The following SLC20A2 variants were observed in gnomAD, a reference collection of about 807,000 sequenced individuals.
SLC20A2 encodes the protein solute carrier family 20 member 2.
In SLC20A2, 30 loss-of-function variants were observed where a neutral mutation model predicts 61.0. That is an observed-to-expected ratio of 0.49 (90% CI 0.37 to 0.67). The LOEUF (loss-of-function observed/expected upper bound fraction) is 0.67. Ranked by LOEUF, SLC20A2 falls within the 30% of genes least tolerant of loss-of-function variation. SLC20A2 has a pLI of 0.00. For missense variants in SLC20A2, 626 were observed against 866.4 expected, an observed-to-expected ratio of 0.72 and a Z score of 3.48; for synonymous variants, 351 against 353.3, an observed-to-expected ratio of 0.99 and a Z score of 0.07.
intron 1 of SLC20A2, among the ~76,000 whole-genome samples, chr8:42,492,767 C>A (rs1338896619): frequency 1.3e-5 from 2 of 151,970 alleles, no homozygotes. Context: ...CGGCTCACTG[C>A]AAGCTCCGCC....
chr8:42,474,748 G>A (rs1367912000), intron 1 of SLC20A2, among the ~76,000 whole-genome samples: 1 of 152,190 alleles, frequency 6.6e-6, no homozygotes, highest in African/African-American at 2.4e-5. Context: ...GAAGTCCAGT[G>A]AAGGAAACAG....
chr8:42,489,510 T>C (rs57699438), intron 1 of SLC20A2, among the ~76,000 whole-genome samples: 5,147 of 146,148 alleles, frequency 0.035, 176 homozygotes, highest in South Asian at 0.11. Context: ...GAAAACTGGA[T>C]CTTTTAAATA....
At chr8:42,517,279 G>T (rs909997802) in intron 1 of SLC20A2, among the ~76,000 whole-genome samples, 3 of 150,838 alleles carry the variant, frequency 2.0e-5, no homozygotes, top group Non-Finnish European at 4.4e-5. Context: ...GAGGTGGGAG[G>T]ATCACCTGAA....
chr8:42,496,619 C>A (rs1490236485), intron 1 of SLC20A2, among the ~76,000 whole-genome samples: 2 of 152,214 alleles, frequency 1.3e-5, no homozygotes, highest in Non-Finnish European at 2.9e-5. Flanking sequence ...TTAAGTCCAT[C>A]CTATGTGTGC....
intron 1 of SLC20A2, chr8:42,480,428 T>C (rs950098115): frequency 6.6e-6 from 1 of 152,234 alleles, no homozygotes; most frequent in Non-Finnish European, 1.5e-5. Context: ...AAAACAGGCT[T>C]AGTTTTCTTA....
intron 1 of SLC20A2, chr8:42,484,873 C>T (rs1808846795): frequency 5.1e-6 from 2 of 391,794 alleles, no homozygotes; most frequent in South Asian, 2.0e-5. Flanking sequence ...CTACACGCAG[C>T]CACTGAGCAT....
rs7002085 is a variant in SLC20A2, at chr8:42,446,967, C to A, written c.614-2205G>T. Among the ~76,000 whole-genome samples, 938 of 152,284 alleles carry A rather than the reference C, an allele frequency of 6.2e-3. 4 individuals are homozygous for A. Among genetic ancestry groups the A allele is most frequent in the African/African-American group, 0.021 (882 of 41,564 alleles). On this transcript the variant is annotated intron_variant, in intron 5 of 10. Coordinates refer to ENST00000520262, the MANE Select transcript of SLC20A2 (RefSeq NM_001257180.2). Reference sequence around the variant, plus strand: ...ATTCAAAGGGGTTAACTATTTAACACTTTGCTCTTAAATAAATTTGCAGTC... The same window carrying A: ...ATTCAAAGGGGTTAACTATTTAACAATTTGCTCTTAAATAAATTTGCAGTC...
intron 1 of SLC20A2, among the ~76,000 whole-genome samples, chr8:42,500,073 T>C (rs1810222346): frequency 1.3e-5 from 2 of 152,362 alleles, no homozygotes; most frequent in South Asian, 4.2e-4. Flanking sequence ...ATACTAACTG[T>C]GGACCTGCCT....
rs990203771 is a variant in SLC20A2, at chr8:42,437,902, A to C, written c.935-325T>G. ...GTGCTCGGATTACAAGCGTGAGCCA[A>C]CGTGCCCAGCCCCAGCCTTTCGAAT... On this transcript the variant is annotated intron_variant, in intron 7 of 10. Transcript: ENST00000520262. This position sits in a 1 kb window ranked among gnomAD's most constrained non-coding sequence, Gnocchi z 6.4. Among the ~76,000 whole-genome samples, 1 of 151,880 alleles carries C rather than the reference A, an allele frequency of 6.6e-6. No homozygotes were observed. The highest frequency in any genetic ancestry group is 2.4e-5 in the African/African-American group (1 of 41,372).
chr8:42,436,484 G>A (rs1350153361), intron 8 of SLC20A2, among the ~76,000 whole-genome samples: 4 of 152,162 alleles, frequency 2.6e-5, no homozygotes, highest in African/African-American at 9.7e-5. Flanking sequence ...CAGTGCCCCT[G>A]TCAAACGTGC....
chr8:42,527,477 T>C (rs185149436), intron 1 of SLC20A2, among the ~76,000 whole-genome samples: 9 of 152,060 alleles, frequency 5.9e-5, no homozygotes, highest in Non-Finnish European at 1.3e-4. Flanking sequence ...AAACAGTTCA[T>C]TTTTAAAAAT....
At chr8:42,484,889 C>A in intron 1 of SLC20A2, 1 of 405,972 alleles carries the variant, frequency 2.5e-6, no homozygotes, top group Non-Finnish European at 4.9e-6. Flanking sequence ...AGCATCTCGG[C>A]CATGCAGCTG....
chr8:42,447,824 G>C (rs1232814482), intron 5 of SLC20A2, among the ~76,000 whole-genome samples: 1 of 152,288 alleles, frequency 6.6e-6, no homozygotes, highest in South Asian at 2.1e-4. Context: ...AAGGTCACTG[G>C]GGGAGGACAG....
chr8:42,465,687 G>T, intron 3 of SLC20A2, 90 bp downstream of exon 3: 1 of 1,203,670 alleles, frequency 8.3e-7, no homozygotes, highest in Non-Finnish European at 1.1e-6. Flanking sequence ...GACACTCCGG[G>T]TCAAAAAAAA....
chr8:42,499,076 C>T (rs1374505160), intron 1 of SLC20A2, among the ~76,000 whole-genome samples: 5 of 152,170 alleles, frequency 3.3e-5, no homozygotes, highest in Non-Finnish European at 7.3e-5. Flanking sequence ...GATGAGAGCA[C>T]GGGCAGCTGG....
At chr8:42,436,246 C>T (rs1269514644) in intron 8 of SLC20A2, among the ~76,000 whole-genome samples, 1 of 152,166 alleles carries the variant, frequency 6.6e-6, no homozygotes, top group African/African-American at 2.4e-5. Context: ...GCTCCTCCAC[C>T]CACGTTACCT....
chr8:42,419,624 T>A (rs1444519037), intron 10 of SLC20A2: 1 of 575,580 alleles, frequency 1.7e-6, no homozygotes, highest in Non-Finnish European at 2.2e-6. Context: ...TCACATGGAG[T>A]TCTACTTCAA....
chr8:42,540,066 CG>C, intron 1 of SLC20A2, among the ~76,000 whole-genome samples: 1 of 152,076 alleles, frequency 6.6e-6, no homozygotes, highest in Admixed American at 6.6e-5. Context: ...CCGAGGCGGG[CG>C]GAACACCTGA....
chr8:42,445,768 A>C (rs1226075214), intron 5 of SLC20A2, among the ~76,000 whole-genome samples: 1 of 152,126 alleles, frequency 6.6e-6, no homozygotes, highest in Non-Finnish European at 1.5e-5. Flanking sequence ...GAAAGGAGTC[A>C]GCTGTCTTCC....
Sources: gnomAD v4.1 joint callset for allele counts (sites outside exome capture counted in the v4.1 genomes callset) on GRCh38, gnomAD v4.1.1 for gene constraint, Gnocchi (gnomAD v3.1) non-coding constraint, MANE v1.5 for transcripts, NCBI Gene and HGNC (gene_info 2026-07-23, HGNC 2026-07-21) for gene names.